ZC3H12C: variants seen among roughly 807,000 people sequenced by gnomAD.
ZC3H12C encodes the protein zinc finger CCCH-type containing 12C, also known as probable ribonuclease ZC3H12C.
Under a neutral mutation model 76.3 loss-of-function variants are expected in ZC3H12C, and 20 were observed. That is an observed-to-expected ratio of 0.26 (90% CI 0.18 to 0.38). ZC3H12C has a LOEUF of 0.38. ZC3H12C is among the 10% of genes least tolerant of loss of function. The pLI is 1.00. For synonymous variants in ZC3H12C, 352 were observed against 399.6 expected (o/e 0.88, Z 1.42); for missense variants, 874 against 1,086.5 (o/e 0.80, Z 2.75).
chr11:110,130,539 T>C (rs939555341), intron 1 of ZC3H12C, among the ~76,000 whole-genome samples: 2 of 152,232 alleles, frequency 1.3e-5, no homozygotes, highest in Non-Finnish European at 2.9e-5. Context: ...ATTGCTACTT[T>C]GACACACTTC....
chr11:110,111,520 G>A (rs889188234), intron 1 of ZC3H12C, among the ~76,000 whole-genome samples: 2 of 147,036 alleles, frequency 1.4e-5, no homozygotes, highest in Admixed American at 1.4e-4. Flanking sequence ...CTAATTGCCC[G>A]ATCTTTGCTT....
chr11:110,154,354 A>G (rs1413701937), intron 3 of ZC3H12C, among the ~76,000 whole-genome samples: 1 of 139,784 alleles, frequency 7.2e-6, no homozygotes, highest in Non-Finnish European at 1.6e-5. Context: ...TGGGTGACAC[A>G]GTGAGACCCC....
intron 1 of ZC3H12C, among the ~76,000 whole-genome samples, chr11:110,110,166 A>G (rs1416408629): frequency 6.6e-6 from 1 of 152,192 alleles, no homozygotes; most frequent in Non-Finnish European, 1.5e-5. Context: ...TAGGAGAAAT[A>G]AAACTTCTGC....
intron 1 of ZC3H12C, among the ~76,000 whole-genome samples, chr11:110,109,643 G>C (rs531359276): frequency 2.8e-4 from 43 of 152,058 alleles, no homozygotes; most frequent in African/African-American, 9.9e-4. Flanking sequence ...TGGTTTGTCT[G>C]CTCATTTTAA....
At position 110,167,498 on chromosome 11, in the gene ZC3H12C, T is replaced by G. The variant is rs1009804323; in HGVS notation, c.*1761T>G. On this transcript the variant is annotated 3_prime_UTR_variant, in exon 6 of 6. Transcript: ENST00000278590. ...AATATATTAAAACACAGTAAATAAA[T>G]TTATTGGCATTTTCTTTCTCCTAAA... 6.6e-6 allele frequency: 1 copy of G among 152,154 alleles called. No homozygotes were observed. The highest frequency in any genetic ancestry group is 1.5e-5 in the Non-Finnish European group (1 of 68,016). The allele number at this position is 152,154 out of a possible 1,614,324, so 9.4% of individuals were successfully genotyped here.
At chr11:110,139,840 G>A (rs555431326) in intron 2 of ZC3H12C, among the ~76,000 whole-genome samples, 1 of 147,462 alleles carries the variant, frequency 6.8e-6, no homozygotes, top group African/African-American at 2.5e-5. Context: ...CTATCCACAT[G>A]TACCCTCTAG....
Position 110,171,600 on chromosome 11 carries a change from A to G in ZC3H12C, c.*5863A>G, listed in dbSNP as rs1007773414. 6 of 152,208 alleles carry G rather than the reference A, an allele frequency of 3.9e-5. No homozygotes were observed. The highest frequency in any genetic ancestry group is 3.9e-4 in the Admixed American group (6 of 15,272). The allele number at this position is 152,208 out of a possible 1,614,324, so 9.4% of individuals were successfully genotyped here. ...ATGTGATTCTGCCACTGAGAAAAAA[A>G]AAATTTTTAATTCGTTTTTCTTATG... On this transcript the variant is annotated 3_prime_UTR_variant, in exon 6 of 6. Coordinates refer to ENST00000278590, the MANE Select transcript of ZC3H12C (RefSeq NM_033390.2).
At chr11:110,140,404 A>G (rs1862048588) in intron 2 of ZC3H12C, among the ~76,000 whole-genome samples, 1 of 152,208 alleles carries the variant, frequency 6.6e-6, no homozygotes, top group African/African-American at 2.4e-5. Flanking sequence ...TCCATGACCT[A>G]GTCATCTGAC....
chr11:110,093,517 C>G lies in ZC3H12C; in HGVS notation c.21+85C>G, dbSNP rs1446965663. The G allele has an allele frequency of 8.7e-6, 9 of 1,031,352 alleles. No homozygotes were observed. The East Asian group carries it at 3.7e-4, about 42-fold the overall frequency. The allele number at this position is 1,031,352 out of a possible 1,614,324, so 63.9% of individuals were successfully genotyped here. On this transcript the variant is annotated intron_variant, in intron 1 of 5. Transcript: ENST00000278590. ...CCGGTCGTGGGGAGGGCCGCGGGGC[C>G]GCGCCCGGGCGCCAGGCGGAGGGCG... is the stretch of plus-strand genomic sequence containing the variant.
rs1302730881 is a variant in ZC3H12C, at chr11:110,159,294, C to G, written c.952C>G (p.Leu318Val). ...ACGTAAATTAGAGAAGGAGAAAATCCTGGTGTTCACGCCATCCCGGCGAGT... is the reference window on the plus strand; with the variant it reads ...ACGTAAATTAGAGAAGGAGAAAATCGTGGTGTTCACGCCATCCCGGCGAGT... Reference protein sequence around the residue: ...ILRKLEKEKILVFTPSRRVQG... With the variant: ...ILRKLEKEKIVVFTPSRRVQG... Residue 318 changes from leucine (L) to valine (V), a missense_variant, in exon 4 of 6, where the codon CTG becomes GTG. By Grantham distance (32) the Leu-to-Val change is conservative. Transcript: ENST00000278590. 2 of 1,613,096 alleles carry G rather than the reference C, an allele frequency of 1.2e-6. No individual in the cohort carries two copies. The highest frequency in any genetic ancestry group is 1.7e-5 in the Admixed American group (1 of 59,912).
In ZC3H12C at chr11:110,164,749, C is replaced by T; in HGVS notation, c.1664C>T (p.Pro555Leu). 2 of 1,613,980 alleles carry T rather than the reference C, an allele frequency of 1.2e-6. No individual in the cohort carries two copies. Among genetic ancestry groups the T allele is most frequent in the East Asian group, 2.2e-5 (1 of 44,888 alleles). ...GVHFPPQDQR[P>L]QGQYPSMMMA... ...CATTTCCCACCTCAGGATCAAAGAC[C>T]ACAGGGACAATATCCTTCAATGATG... is the stretch of plus-strand genomic sequence containing the variant. Residue 555 changes from proline (P) to leucine (L), a missense_variant, in exon 6 of 6, where the codon CCA (proline) becomes CTA (leucine). Pro to Leu is a moderately conservative substitution (Grantham distance 98). This residue lies in a region of ZC3H12C where 395 missense variants were observed against 434.4 expected (regional missense o/e 0.91). Transcript: ENST00000278590. The surrounding 1 kb of genome is among the most constrained non-coding windows in gnomAD (Gnocchi z 5.7).
chr11:110,130,214 A>T (rs564071518), intron 1 of ZC3H12C, among the ~76,000 whole-genome samples: 8 of 152,328 alleles, frequency 5.3e-5, no homozygotes, highest in African/African-American at 1.9e-4. Context: ...GATGATTTTA[A>T]GTTGAAGTTA....
intron 1 of ZC3H12C, among the ~76,000 whole-genome samples, chr11:110,116,836 G>T (rs1861535793): frequency 6.6e-6 from 1 of 152,188 alleles, no homozygotes; most frequent in African/African-American, 2.4e-5. Flanking sequence ...TAAGTAACTT[G>T]TGCAGGTTGC....
intron 2 of ZC3H12C, among the ~76,000 whole-genome samples, chr11:110,148,663 A>C (rs1162213413): frequency 6.6e-6 from 1 of 152,246 alleles, no homozygotes; most frequent in African/African-American, 2.4e-5. Context: ...TTGGGATAAA[A>C]AAGTAATCAA....
intron 2 of ZC3H12C, among the ~76,000 whole-genome samples, chr11:110,140,791 G>C (rs566630380): frequency 6.6e-6 from 1 of 152,242 alleles, no homozygotes; most frequent in African/African-American, 2.4e-5. Context: ...TTGCCCATGG[G>C]ATCCATGCTC....
intron 1 of ZC3H12C, among the ~76,000 whole-genome samples, chr11:110,115,202 G>T (rs1861502752): frequency 6.6e-6 from 1 of 152,064 alleles, no homozygotes; most frequent in African/African-American, 2.4e-5. Flanking sequence ...GCACTCCTGG[G>T]CTCAAGCGAT....
intron 3 of ZC3H12C, among the ~76,000 whole-genome samples, chr11:110,156,772 A>G (rs910795688): frequency 6.6e-5 from 10 of 152,234 alleles, no homozygotes; most frequent in Admixed American, 5.2e-4. Flanking sequence ...TAAATGACTC[A>G]TGGCACCTGC....
At chr11:110,141,115 T>C (rs79866759) in intron 2 of ZC3H12C, among the ~76,000 whole-genome samples, 2,298 of 152,290 alleles carry the variant, frequency 0.015, 57 homozygotes, top group African/African-American at 0.051. Flanking sequence ...AAGAGTCATA[T>C]TGGAAAACAG....
rs529247972 is a variant in ZC3H12C, at chr11:110,159,989, T to G, written c.1148+499T>G. On this transcript the variant is annotated intron_variant, in intron 4 of 5. Coordinates refer to ENST00000278590, the MANE Select transcript of ZC3H12C (RefSeq NM_033390.2). Reference sequence around the variant, plus strand: ...CCTACTACACGCCTAGGCGATGTGGTACATATAGCCTGTTGCTTCCAGGCT... The same window carrying G: ...CCTACTACACGCCTAGGCGATGTGGGACATATAGCCTGTTGCTTCCAGGCT... 1.4e-4 allele frequency among the ~76,000 whole-genome samples: 22 copies of G among 152,400 alleles called. 1 individual carries two copies. In the South Asian group the frequency reaches 4.6e-3, roughly 32 times the overall value.
Sources: gnomAD v4.1 joint callset for allele counts (sites outside exome capture counted in the v4.1 genomes callset) on GRCh38, gnomAD v4.1.1 for gene constraint, gnomAD v4.1.1 regional missense constraint, Gnocchi (gnomAD v3.1) non-coding constraint, MANE v1.5 for transcripts, NCBI Gene and HGNC (gene_info 2026-07-23, HGNC 2026-07-21) for gene names.